Variants in STIP1 observed in about 807,000 individuals in gnomAD.
The protein encoded by STIP1 is stress induced phosphoprotein 1.
A neutral mutation model predicts 77.4 loss-of-function variants in STIP1; 16 were observed. The ratio of observed to expected loss-of-function variants is 0.21; its 90% CI spans 0.14 to 0.31. STIP1 has a LOEUF of 0.31. Ranked by LOEUF, STIP1 falls within the 10% of genes least tolerant of loss-of-function variation. The pLI is 1.00. For missense variants in STIP1, 524 were observed against 684.8 expected (o/e 0.77, Z 2.62); for synonymous variants, 258 against 246.6 (o/e 1.05, Z -0.44).
At chr11:64,203,350 T>TC (rs1207815415) in intron 12 of STIP1, 100 bp from the exon 13 acceptor site, 9 of 1,584,208 alleles carry the variant, frequency 5.7e-6, no homozygotes. Flanking sequence ...TCTTACTTGT[T>TC]CTCTCTCCCC....
chr11:64,198,292 A>C (rs958647496), intron 8 of STIP1, among the ~76,000 whole-genome samples: 1 of 151,880 alleles, frequency 6.6e-6, no homozygotes, highest in African/African-American at 2.4e-5. Context: ...TGCTCACTGC[A>C]ACCTCCGCCT....
At chr11:64,203,011 G>T (rs1271730067) in intron 11 of STIP1, 99 bp downstream of exon 11, 1 of 1,601,178 alleles carries the variant, frequency 6.2e-7, no homozygotes, top group Non-Finnish European at 8.6e-7. Context: ...GGGACCTGTA[G>T]GATTTAGGAT....
In STIP1 at chr11:64,194,638, A is replaced by T. The variant is rs763763893; in HGVS notation, c.503+18A>T. The T allele has an allele frequency of 3.7e-6, 6 of 1,609,038 alleles. No homozygotes were observed. In the African/African-American group the frequency reaches 6.7e-5, roughly 18 times the overall value. Reference sequence around the variant, plus strand: ...CTGGGCACGTAAGTGGACGCCGCTCACTGAGGTTCTGGAAATCGGGGAATG... The same window carrying T: ...CTGGGCACGTAAGTGGACGCCGCTCTCTGAGGTTCTGGAAATCGGGGAATG... On this transcript the variant is annotated intron_variant, in intron 4 of 13. Transcript: ENST00000305218.
chr11:64,203,597 C>G lies in STIP1; in HGVS notation c.1534C>G (p.Gln512Glu). The G allele has an allele frequency of 1.9e-6, 3 of 1,614,236 alleles. No individual in the cohort carries two copies. The highest frequency in any genetic ancestry group is 2.5e-6 in the Non-Finnish European group (3 of 1,180,050). ...PAMRLILEQM[Q>E]KDPQALSEHL... ...CATGCGCCTTATCCTGGAACAGATG[C>G]AGAAGGACCCCCAGGCACTCAGCGA... Residue 512 changes from glutamine to glutamate, a missense_variant, in exon 13 of 14, where the codon CAG becomes GAG. Gln to Glu is a conservative substitution (Grantham distance 29). Coordinates refer to ENST00000305218, the MANE Select transcript of STIP1 (RefSeq NM_006819.3).
upstream of STIP1, chr11:64,185,779 C>G (rs1295260844): frequency 1.3e-6 from 2 of 1,531,892 alleles, no homozygotes; most frequent in Non-Finnish European, 1.7e-6. Flanking sequence ...GAGTTGGCAA[C>G]CCTCCGCCCA....
At chr11:64,187,182 G>A (rs972221343) in intron 1 of STIP1, among the ~76,000 whole-genome samples, 1 of 152,052 alleles carries the variant, frequency 6.6e-6, no homozygotes, top group African/African-American at 2.4e-5. Flanking sequence ...CAGTGACTTG[G>A]TTATGTCCTC....
In STIP1 at chr11:64,197,950, A is replaced by C. The variant is rs1353349770; in HGVS notation, c.999A>C (p.Pro333=). 5.6e-6 allele frequency: 9 copies of C among 1,613,472 alleles called. No individual in the cohort carries two copies. The highest frequency in any genetic ancestry group is 1.3e-5 in the African/African-American group (1 of 74,912). The change falls in exon 8 of 14, where the codon CCA becomes CCC. Residue 333 remains proline (P), a synonymous_variant. Transcript: ENST00000305218. ...AGTCTCTGGCAGAGCACCGAACCCC[A>C]GATGTGCTCAAGAAATGCCAGCAGG... ...YNKSLAEHRT[P]DVLKKCQQAE...
Position 64,195,738 on chromosome 11 carries a change from T to TCCA in STIP1, c.606_608dup (p.Pro205dup), listed in dbSNP as rs750144254. On this transcript the variant is annotated inframe_insertion, in exon 5 of 14. Coordinates refer to ENST00000305218, the MANE Select transcript of STIP1 (RefSeq NM_006819.3). ...ATGAGGAGGAAGAGATTGCAACACC[T>TCCA]CCACCACCACCCCCTCCCAAAAAGG... is the stretch of plus-strand genomic sequence containing the variant. 9 of 1,613,828 alleles carry TCCA rather than the reference T, an allele frequency of 5.6e-6. No homozygotes were observed. The African/African-American group carries it at 8.0e-5, about 14-fold the overall frequency.
intron 1 of STIP1, 175 bp downstream of exon 1, chr11:64,186,445 T>G (rs1171224599): frequency 1.4e-6 from 1 of 705,984 alleles, no homozygotes; most frequent in African/African-American, 1.9e-5. Context: ...GAGCGGGATC[T>G]TTAGCGAGGC....
At chr11:64,200,059 TGGG>T (rs1946199790) in intron 9 of STIP1, 23 bp downstream of exon 9, 1 of 1,614,056 alleles carries the variant, frequency 6.2e-7, no homozygotes, top group Non-Finnish European at 8.5e-7. Flanking sequence ...GCTGGGGGAT[TGGG>T]GGAGCAGTGC....
intron 8 of STIP1, among the ~76,000 whole-genome samples, chr11:64,198,565 T>A (rs971217788): frequency 6.6e-6 from 1 of 152,116 alleles, no homozygotes; most frequent in Non-Finnish European, 1.5e-5. Context: ...CAGGTTGGTC[T>A]TGAACTCCTG....
chr11:64,193,450 C>T, intron 2 of STIP1, 163 bp downstream of exon 2: 1 of 666,744 alleles, frequency 1.5e-6, no homozygotes. Flanking sequence ...TCTAAGGTAG[C>T]CATTAGTTGT....
At chr11:64,185,822 G>C (rs1396202514), upstream of STIP1, 1 of 1,536,048 alleles carries the variant, frequency 6.5e-7, no homozygotes, top group Admixed American at 2.0e-5. Flanking sequence ...AGGCGGTTCC[G>C]ACATGGAGTC....
rs1946233286 is a variant in STIP1 at position 64,202,755 on chromosome 11, T to C, written c.1246-121T>C. On this transcript the variant is annotated intron_variant, in intron 10 of 13. Coordinates refer to ENST00000305218, the MANE Select transcript of STIP1 (RefSeq NM_006819.3). Reference sequence around the variant, plus strand: ...CATCATCTGGAGTTGTCTTTCCTGATGTTGTCCCCTCTGTTTGGTGCTGGG... The same window carrying C: ...CATCATCTGGAGTTGTCTTTCCTGACGTTGTCCCCTCTGTTTGGTGCTGGG... The C allele has an allele frequency of 1.2e-5, 12 of 968,122 alleles. No individual in the cohort carries two copies. In the South Asian group the frequency reaches 1.7e-4, roughly 14 times the overall value. The allele number at this position is 968,122 out of a possible 1,614,324, so 60.0% of individuals were successfully genotyped here.
intron 1 of STIP1, among the ~76,000 whole-genome samples, chr11:64,191,359 G>A (rs1405514103): frequency 6.6e-6 from 1 of 151,970 alleles, no homozygotes; most frequent in East Asian, 1.9e-4. Flanking sequence ...TGTAATCCCA[G>A]CACTTTGGGA....
intron 1 of STIP1, among the ~76,000 whole-genome samples, chr11:64,191,989 C>T (rs972440234): frequency 3.3e-5 from 5 of 151,910 alleles, no homozygotes; most frequent in South Asian, 4.2e-4. Context: ...GTCGGTGGGG[C>T]GGCCAGGCAG....
chr11:64,198,032 T>G (rs1946170331), intron 8 of STIP1, 58 bp downstream of exon 8: 1 of 1,561,668 alleles, frequency 6.4e-7, no homozygotes, highest in African/African-American at 1.4e-5. Flanking sequence ...AGCCATTGTT[T>G]CTTACTGTTT....
intron 8 of STIP1, among the ~76,000 whole-genome samples, chr11:64,198,249 G>C (rs963929554): frequency 1.3e-5 from 2 of 151,046 alleles, no homozygotes; most frequent in Non-Finnish European, 3.0e-5. Flanking sequence ...GAGTCTGTTT[G>C]TCACCCAGGC....
rs148043163 is a variant in STIP1, at chr11:64,194,323, G to C, written c.354G>C (p.Arg118Ser). Residue 118 changes from arginine to serine, a missense_variant, in exon 3 of 14, where the codon AGG becomes AGC. By Grantham distance (110) the Arg-to-Ser change is moderately radical. Coordinates refer to ENST00000305218, the MANE Select transcript of STIP1 (RefSeq NM_006819.3). ...AGGGTTTACAGAATATGGAGGCCAG[G>C]TTGGCAGGTAGGTACCACGCACAGT... ...LKEGLQNMEA[R>S]LAERKFMNPF... 6.2e-7 allele frequency: 1 copy of C among 1,613,800 alleles called. No homozygotes were observed. The highest frequency in any genetic ancestry group is 1.7e-5 in the Admixed American group (1 of 59,922).
Sources: allele counts gnomAD v4.1 joint callset (sites outside exome capture counted in the v4.1 genomes callset), GRCh38; gene constraint gnomAD v4.1.1; transcripts MANE v1.5; gene names NCBI Gene and HGNC (gene_info 2026-07-23, HGNC 2026-07-21).